The following DSG1 variants were observed in gnomAD, a reference collection of about 807,000 sequenced individuals.
The protein encoded by DSG1 is desmoglein-1.
In DSG1, 39 loss-of-function variants were observed where a neutral mutation model predicts 97.5. That is an observed-to-expected ratio of 0.40 (90% CI 0.31 to 0.52). DSG1 has a LOEUF of 0.52. DSG1 is among the 20% of genes least tolerant of loss of function. The pLI, the probability that DSG1 is intolerant of heterozygous loss-of-function variation, is 0.53. For synonymous variants in DSG1, 475 were observed against 443.4 expected (o/e 1.07, Z -0.90); for missense variants, 1,311 against 1,295.4 (o/e 1.01, Z -0.18).
chr18:31,348,066 C>T (rs1390165401), intron 14 of DSG1, among the ~76,000 whole-genome samples: 3 of 151,280 alleles, frequency 2.0e-5, no homozygotes, highest in Admixed American at 6.6e-5. Context: ...GCGCTGCACC[C>T]ACTAACTCGT....
At chr18:31,334,809 A>G (rs1203758437) in intron 8 of DSG1, among the ~76,000 whole-genome samples, 2 of 152,078 alleles carry the variant, frequency 1.3e-5, no homozygotes, top group African/African-American at 2.4e-5. Flanking sequence ...TGTCCTCCCC[A>G]TATTAATGGT....
intron 8 of DSG1, 58 bp downstream of exon 8, chr18:31,334,260 C>G: frequency 8.0e-7 from 1 of 1,253,640 alleles, no homozygotes; most frequent in Non-Finnish European, 1.1e-6. Flanking sequence ...AAATGTTAAA[C>G]TTAAAATAAA....
Position 31,339,825 on chromosome 18 carries a change from C to T in DSG1, c.1487C>T (p.Pro496Leu), listed in dbSNP as rs143742729. ...AATGACGACAGGACTAATACAGAGC[C>T]GAACACTAAAATTACTACCAATACT... ...FGNDDRTNTE[P>L]NTKITTNTGR... Residue 496 changes from proline to leucine, a missense_variant, in exon 11 of 15, where the codon CCG (proline) becomes CTG (leucine). This residue lies in a region of DSG1 where 1,038 missense variants were observed against 964.6 expected (regional missense o/e 1.08). Coordinates refer to ENST00000257192, the MANE Select transcript of DSG1 (RefSeq NM_001942.4). 53 of 1,613,480 alleles carry T rather than the reference C, an allele frequency of 3.3e-5. No individual in the cohort carries two copies. The African/African-American group carries it at 5.2e-4, about 16-fold the overall frequency.
intron 14 of DSG1, among the ~76,000 whole-genome samples, chr18:31,349,557 C>T (rs1314057767): frequency 1.5e-5 from 2 of 131,630 alleles, no homozygotes; most frequent in Non-Finnish European, 3.2e-5. Flanking sequence ...TTACCTTGGG[C>T]AGTATGGCCA....
At chr18:31,346,665 C>T (rs922186) in intron 14 of DSG1, among the ~76,000 whole-genome samples, 113,549 of 151,456 alleles carry the variant, frequency 0.75, 42,788 homozygotes, top group East Asian at 0.99. Flanking sequence ...TATCACTCTC[C>T]CTCCGAAGTT....
At position 31,328,178 on chromosome 18, in the gene DSG1, T is replaced by C. The variant is rs1598699423; in HGVS notation, c.217-11T>C. 1.2e-6 allele frequency: 2 copies of C among 1,613,096 alleles called. No individual in the cohort carries two copies. Among genetic ancestry groups the C allele is most frequent in the East Asian group, 4.5e-5 (2 of 44,846 alleles). ...CTCCCTCTAATATTTTTACTTGTGT[T>C]CCTTCTGCAGATTCACTCAGATTGT... On this transcript the variant is annotated splice_polypyrimidine_tract_variant and intron_variant, in intron 3 of 14. Transcript: ENST00000257192.
chr18:31,340,717 C>T (rs1481690348), intron 11 of DSG1, among the ~76,000 whole-genome samples: 1 of 152,114 alleles, frequency 6.6e-6, no homozygotes, highest in Non-Finnish European at 1.5e-5. Flanking sequence ...GTGCAAAGTA[C>T]TGCGATGAAG....
chr18:31,342,533 T>C (rs1282551502), intron 11 of DSG1, among the ~76,000 whole-genome samples: 12 of 152,170 alleles, frequency 7.9e-5, no homozygotes, highest in Non-Finnish European at 2.9e-5. Context: ...TTCAAAACCA[T>C]TTACCAAGAT....
chr18:31,355,368 T>C lies in DSG1; in HGVS notation c.*22T>C, dbSNP rs2071947700. 6.2e-7 allele frequency: 1 copy of C among 1,610,528 alleles called. No individual in the cohort carries two copies. The highest frequency in any genetic ancestry group is 1.3e-5 in the African/African-American group (1 of 74,986). On this transcript the variant is annotated 3_prime_UTR_variant, in exon 15 of 15. Coordinates refer to ENST00000257192, the MANE Select transcript of DSG1 (RefSeq NM_001942.4). ...GTAGTCAGGACCCCAGCTCACTTTT[T>C]CATAGTCATTGTGGTTTAGATCCAA...
Position 31,358,504 on chromosome 18 carries a change from A to G in DSG1, c.*3158A>G, listed in dbSNP as rs1445354380. Among the ~76,000 whole-genome samples the G allele has an allele frequency of 6.6e-6, 1 of 152,066 alleles. No individual in the cohort carries two copies. Among genetic ancestry groups the G allele is most frequent in the Non-Finnish European group, 1.5e-5 (1 of 67,918 alleles). ...AAAATGTTCTGACAAAATTTTAATT[A>G]TATGTCTTCAAAAATTACATTTTTT... is the stretch of plus-strand genomic sequence containing the variant. On this transcript the variant is annotated 3_prime_UTR_variant, in exon 15 of 15. Transcript: ENST00000257192.
chr18:31,334,836 T>C (rs1452108937), intron 8 of DSG1, among the ~76,000 whole-genome samples: 3 of 152,024 alleles, frequency 2.0e-5, no homozygotes, highest in Non-Finnish European at 4.4e-5. Context: ...TTACCTGCAG[T>C]AAAATTTCAT....
At chr18:31,329,027 A>C (rs1467460815) in intron 4 of DSG1, among the ~76,000 whole-genome samples, 1 of 152,134 alleles carries the variant, frequency 6.6e-6, no homozygotes, top group Non-Finnish European at 1.5e-5. Context: ...GAGGCCATCC[A>C]TCACAAACTC....
chr18:31,340,951 T>G (rs2071785509), intron 11 of DSG1, among the ~76,000 whole-genome samples: 1 of 152,204 alleles, frequency 6.6e-6, no homozygotes, highest in Admixed American at 6.5e-5. Flanking sequence ...GCTTTTGCCA[T>G]GTATGAAATA....
At chr18:31,325,184 A>T (rs1005562366) in intron 1 of DSG1, among the ~76,000 whole-genome samples, 1 of 152,200 alleles carries the variant, frequency 6.6e-6, no homozygotes, top group Non-Finnish European at 1.5e-5. Context: ...TTACAAATCC[A>T]GTTGAGAGTC....
In DSG1 at chr18:31,358,894, G is replaced by C. The variant is rs2144134131; in HGVS notation, c.*3548G>C. Among the ~76,000 whole-genome samples, 1 of 151,988 alleles carries C rather than the reference G, an allele frequency of 6.6e-6. No individual in the cohort carries two copies. The highest frequency in any genetic ancestry group is 6.6e-5 in the Admixed American group (1 of 15,252). ...TTCCGGATTATTCAATTTATGTTAG[G>C]ACAAATCTTGACTAGATCAACCTGT... On this transcript the variant is annotated 3_prime_UTR_variant, in exon 15 of 15. Transcript: ENST00000257192.
chr18:31,344,147 G>GA (rs1256426274), intron 13 of DSG1, 152 bp downstream of exon 13: 6 of 676,214 alleles, frequency 8.9e-6, no homozygotes, highest in East Asian at 8.3e-5. Context: ...AAATGGCAAG[G>GA]AAAAACCTAT....
chr18:31,343,758 G>A, intron 12 of DSG1, 168 bp from the exon 13 acceptor site: 1 of 1,175,402 alleles, frequency 8.5e-7, no homozygotes, highest in Non-Finnish European at 1.2e-6. Flanking sequence ...AGTAACCAGG[G>A]AAGATTTTCT....
In DSG1 at chr18:31,331,839, G is replaced by A. The variant is rs373006917; in HGVS notation, c.656G>A (p.Arg219Gln). 2.4e-5 allele frequency: 39 copies of A among 1,612,238 alleles called. No individual in the cohort carries two copies. The East Asian group carries it at 2.7e-4, about 11-fold the overall frequency. The change falls in exon 6 of 15, where the codon CGA becomes CAA. Residue 219 changes from arginine (R) to glutamine (Q), a missense_variant. By Grantham distance (43) the Arg-to-Gln change is conservative (BLOSUM62 1). Coordinates refer to ENST00000257192, the MANE Select transcript of DSG1 (RefSeq NM_001942.4). ...ATCAACAGAAATACTGGAGAAATTC[G>A]AACGATGAATAATTTTCTAGACAGA... Reference protein sequence around the residue: ...FIINRNTGEIRTMNNFLDREQ... With the variant: ...FIINRNTGEIQTMNNFLDREQ...
intron 1 of DSG1, among the ~76,000 whole-genome samples, chr18:31,324,737 C>A (rs563665785): frequency 1.3e-5 from 2 of 152,162 alleles, no homozygotes; most frequent in Admixed American, 6.5e-5. Flanking sequence ...TCTGCTCCAG[C>A]GTACCTCCTT....
Sources: gnomAD v4.1 joint callset for allele counts (sites outside exome capture counted in the v4.1 genomes callset) on GRCh38, gnomAD v4.1.1 for gene constraint, gnomAD v4.1.1 regional missense constraint, MANE v1.5 for transcripts, NCBI Gene and HGNC (gene_info 2026-07-23, HGNC 2026-07-21) for gene names.